SMAD9: variants seen among roughly 807,000 people sequenced by gnomAD.
SMAD9 encodes the protein MAD homolog 9.
SMAD9 carries 36 observed loss-of-function variants against 46.1 expected under a neutral mutation model. The ratio of observed to expected loss-of-function variants is 0.78; its 90% CI spans 0.60 to 1.03. The LOEUF (loss-of-function observed/expected upper bound fraction) is 1.03. Among genes scored for constraint, SMAD9 ranks in the 50% least tolerant of loss-of-function variants. SMAD9 has a pLI of 0.00. For synonymous variants in SMAD9, 245 were observed against 237.1 expected, an observed-to-expected ratio of 1.03 and a Z score of -0.31; for missense variants, 572 against 599.8, an observed-to-expected ratio of 0.95 and a Z score of 0.48.
At chr13:36,884,331 T>A (rs1310694215) in intron 1 of SMAD9, among the ~76,000 whole-genome samples, 8 of 152,086 alleles carry the variant, frequency 5.3e-5, no homozygotes, top group Admixed American at 5.2e-4. Context: ...TAAGCCCAGA[T>A]CCCCCACAAA....
intron 5 of SMAD9, among the ~76,000 whole-genome samples, chr13:36,856,302 T>C (rs2058124100): frequency 1.3e-5 from 2 of 152,208 alleles, no homozygotes; most frequent in African/African-American, 4.8e-5. Context: ...TATGTAATCC[T>C]CTCAAAACCT....
chr13:36,872,785 G>C lies in SMAD9; in HGVS notation c.543C>G (p.Phe181Leu). The C allele has an allele frequency of 6.2e-7, 1 of 1,614,100 alleles. No homozygotes were observed. Among genetic ancestry groups the C allele is most frequent in the Middle Eastern group, 1.6e-4 (1 of 6,062 alleles). ...GGAGTGCAGAGCACGGAGGCTGCTG[G>C]AAAGAGTCAGGATAGGTGGCGTTGT... ...MPHNATYPDS[F>L]QQPPCSALPP... Residue 181 changes from phenylalanine to leucine, a missense_variant, in exon 3 of 7, where the codon TTC (phenylalanine) becomes TTG (leucine). Physicochemically the swap from Phe to Leu is conservative, Grantham distance 22. Coordinates refer to ENST00000379826, the MANE Select transcript of SMAD9 (RefSeq NM_001127217.3).
intron 2 of SMAD9, among the ~76,000 whole-genome samples, chr13:36,878,788 T>G (rs1311729264): frequency 6.6e-6 from 1 of 151,894 alleles, no homozygotes; most frequent in Non-Finnish European, 1.5e-5. Flanking sequence ...ATCAAGGCCA[T>G]TTTAAAACCT....
chr13:36,869,680 T>C (rs908334119), intron 3 of SMAD9, among the ~76,000 whole-genome samples: 1 of 152,034 alleles, frequency 6.6e-6, no homozygotes, highest in Non-Finnish European at 1.5e-5. Context: ...TACAAAAAAA[T>C]TAGCCGGGTG....
intron 2 of SMAD9, among the ~76,000 whole-genome samples, chr13:36,878,193 CAG>C (rs2058364615): frequency 1.3e-5 from 2 of 151,530 alleles, no homozygotes; most frequent in Non-Finnish European, 2.9e-5. Context: ...CACACACACA[CAG>C]GGGTGTGAAG....
At chr13:36,862,478 T>C (rs956334048) in intron 5 of SMAD9, among the ~76,000 whole-genome samples, 64 of 41,110 alleles carry the variant, frequency 1.6e-3, no homozygotes, top group Non-Finnish European at 2.4e-3. Flanking sequence ...ACAGATTCCA[T>C]GGCCGTGCCC....
chr13:36,872,401 G>A (rs893006686), intron 3 of SMAD9, among the ~76,000 whole-genome samples: 2 of 150,810 alleles, frequency 1.3e-5, no homozygotes, highest in East Asian at 3.9e-4. Context: ...AAATTCCCAG[G>A]GATACTATTC....
chr13:36,920,405 C>T (rs2058737064), upstream of SMAD9: 1 of 151,398 alleles, frequency 6.6e-6, no homozygotes, highest in Non-Finnish European at 1.5e-5. Context: ...AGACCGGCCC[C>T]ACGGCCACGT....
chr13:36,909,236 G>A (rs2058641733), intron 1 of SMAD9, among the ~76,000 whole-genome samples: 1 of 152,206 alleles, frequency 6.6e-6, no homozygotes, highest in Non-Finnish European at 1.5e-5. Context: ...GTAGTGAAAG[G>A]GAAGTAGAAT....
In SMAD9 at chr13:36,886,437, C is replaced by T. The variant is rs577144092; in HGVS notation, c.-186-6562G>A. On this transcript the variant is annotated intron_variant, in intron 1 of 6. Coordinates refer to ENST00000379826, the MANE Select transcript of SMAD9 (RefSeq NM_001127217.3). ...AGCCCTCCAAGATCTCCTCAATCTCCAAAACGTTGTGGCTCTAAAGGGGCA... is the reference window on the plus strand; with the variant it reads ...AGCCCTCCAAGATCTCCTCAATCTCTAAAACGTTGTGGCTCTAAAGGGGCA... Among the ~76,000 whole-genome samples the T allele has an allele frequency of 2.0e-5, 3 of 152,338 alleles. No homozygotes were observed. In the East Asian group the frequency reaches 5.8e-4, roughly 29 times the overall value.
At chr13:36,852,137 A>C in intron 6 of SMAD9, 1 of 968,342 alleles carries the variant, frequency 1.0e-6, no homozygotes. Flanking sequence ...AAATAATTTC[A>C]AGCAGCTGTT....
rs538275998 is a variant in SMAD9, at chr13:36,844,841, G to T, written c.*3835C>A. 15 of 152,218 alleles carry T rather than the reference G, an allele frequency of 9.9e-5. No homozygotes were observed. Among genetic ancestry groups the T allele is most frequent in the Admixed American group, 8.5e-4 (13 of 15,280 alleles). 9.4% of individuals were successfully genotyped at this position (152,218 alleles called of 1,614,324 possible). On this transcript the variant is annotated 3_prime_UTR_variant, in exon 7 of 7. Transcript: ENST00000379826. ...ATGAGCCAAAAGACATATAAGTACA[G>T]TATTCTTTATTATAAACAATCAGAT...
chr13:36,906,673 G>T lies in SMAD9; in HGVS notation c.-187+13443C>A, dbSNP rs1211975678. On this transcript the variant is annotated intron_variant, in intron 1 of 6. Coordinates refer to ENST00000379826, the MANE Select transcript of SMAD9 (RefSeq NM_001127217.3). ...GGTTCAACATCATTAGTTACTAGGG[G>T]AATGAGTGCAAACCAAAATCACAAG... Among the ~76,000 whole-genome samples the T allele has an allele frequency of 2.6e-5, 4 of 152,170 alleles. 1 individual carries two copies. Among genetic ancestry groups the T allele is most frequent in the Non-Finnish European group, 5.9e-5 (4 of 68,036 alleles).
At chr13:36,917,992 A>C (rs1355857438) in intron 1 of SMAD9, among the ~76,000 whole-genome samples, 1 of 60,614 alleles carries the variant, frequency 1.6e-5, no homozygotes, top group Admixed American at 2.2e-4. Flanking sequence ...ATGATTAGTA[A>C]AGATAGTGTA....
chr13:36,863,661 T>C (rs905216073), intron 5 of SMAD9, among the ~76,000 whole-genome samples: 1 of 152,106 alleles, frequency 6.6e-6, no homozygotes, highest in Non-Finnish European at 1.5e-5. Context: ...GGATTCTCAC[T>C]CTATTAGTTC....
At chr13:36,863,355 T>G (rs1262991005) in intron 5 of SMAD9, among the ~76,000 whole-genome samples, 1 of 152,204 alleles carries the variant, frequency 6.6e-6, no homozygotes, top group East Asian at 1.9e-4. Flanking sequence ...AACTGTAACT[T>G]TGTCTTCGGA....
intron 6 of SMAD9, among the ~76,000 whole-genome samples, chr13:36,852,966 T>G (rs374510521): frequency 1.3e-5 from 2 of 152,332 alleles, no homozygotes; most frequent in South Asian, 2.1e-4. Context: ...AAAGAGGAAC[T>G]CCTCCTAAAA....
chr13:36,894,807 G>A (rs566943570), intron 1 of SMAD9, among the ~76,000 whole-genome samples: 1 of 152,172 alleles, frequency 6.6e-6, no homozygotes, highest in South Asian at 2.1e-4. Context: ...GGTTCCTTTA[G>A]CCCCCAAGTG....
chr13:36,893,415 CAGAT>C (rs906060700), intron 1 of SMAD9, among the ~76,000 whole-genome samples: 14 of 146,116 alleles, frequency 9.6e-5, no homozygotes, highest in Non-Finnish European at 1.8e-4. Flanking sequence ...TCCCCCTTCA[CAGAT>C]ATATATATAA....
Sources: allele counts gnomAD v4.1 joint callset (sites outside exome capture counted in the v4.1 genomes callset), GRCh38; gene constraint gnomAD v4.1.1; transcripts MANE v1.5; gene names NCBI Gene and HGNC (gene_info 2026-07-23, HGNC 2026-07-21).